Variants in FYTTD1 observed in about 807,000 individuals in gnomAD.
FYTTD1 encodes the protein forty-two-three domain containing 1.
In FYTTD1, 22 loss-of-function variants were observed where a neutral mutation model predicts 40.9. The observed-to-expected ratio is 0.54, with a 90% CI of 0.38 to 0.77. The LOEUF is 0.77. Among genes scored for constraint, FYTTD1 ranks in the 30% least tolerant of loss-of-function variants. FYTTD1 has a pLI of 0.00. For synonymous variants in FYTTD1, 140 were observed against 137.9 expected, an observed-to-expected ratio of 1.01 and a Z score of -0.10; for missense variants, 351 against 392.2, an observed-to-expected ratio of 0.90 and a Z score of 0.89.
chr3:197,749,805 C>A, upstream of FYTTD1: 1 of 472,510 alleles, frequency 2.1e-6, no homozygotes, highest in South Asian at 3.2e-5. Flanking sequence ...TCTGGTCGCC[C>A]GCGAGTGTCG....
chr3:197,766,592 G>A (rs1195748020), intron 2 of FYTTD1, among the ~76,000 whole-genome samples: 2 of 151,764 alleles, frequency 1.3e-5, no homozygotes, highest in Admixed American at 6.6e-5. Context: ...ACAGGTACGC[G>A]CCACTGCACC....
intron 2 of FYTTD1, chr3:197,763,413 T>TAAA: frequency 3.2e-6 from 1 of 311,608 alleles, no homozygotes; most frequent in Non-Finnish European, 6.0e-6. Flanking sequence ...GACTCTTGTC[T>TAAA]CAAAAAAAAA....
At chr3:197,749,823 C>G (rs1728933501), upstream of FYTTD1, 8 of 487,290 alleles carry the variant, frequency 1.6e-5, no homozygotes, top group South Asian at 2.9e-4. Context: ...TCGGTGGCCC[C>G]GCCCCGCCCG....
Position 197,756,523 on chromosome 3 carries a change from G to C in FYTTD1, c.201G>C (p.Arg67Ser), listed in dbSNP as rs1729220316. ...LLQQSGAQQF[R>S]MRVRWGIQQN... ...AGCAAAGTGGTGCCCAGCAATTCAGGATGAGAGTGCGATGGGGAATCCAAC... is the reference window on the plus strand; with the variant it reads ...AGCAAAGTGGTGCCCAGCAATTCAGCATGAGAGTGCGATGGGGAATCCAAC... The change falls in exon 2 of 9, where the codon AGG becomes AGC. Residue 67 changes from arginine to serine, a missense_variant. Arg to Ser is a moderately radical substitution (Grantham distance 110). Coordinates refer to ENST00000241502, the MANE Select transcript of FYTTD1 (RefSeq NM_032288.7). 6 of 1,613,842 alleles carry C rather than the reference G, an allele frequency of 3.7e-6. No individual in the cohort carries two copies. The highest frequency in any genetic ancestry group is 5.1e-6 in the Non-Finnish European group (6 of 1,179,720).
intron 1 of FYTTD1, among the ~76,000 whole-genome samples, chr3:197,753,961 C>T (rs1177128230): frequency 3.9e-5 from 6 of 152,012 alleles, no homozygotes; most frequent in African/African-American, 7.3e-5. Context: ...AGGATGGTCT[C>T]GATCTCCTGA....
At chr3:197,778,982 AGTCTGT>A (rs1459205103) in intron 8 of FYTTD1, among the ~76,000 whole-genome samples, 31 of 152,130 alleles carry the variant, frequency 2.0e-4, no homozygotes, top group Admixed American at 1.8e-3. Flanking sequence ...TTCCTAGAAG[AGTCTGT>A]GCTACAGCTT....
intron 2 of FYTTD1, among the ~76,000 whole-genome samples, chr3:197,758,210 C>T (rs1309678603): frequency 6.6e-6 from 1 of 152,224 alleles, no homozygotes; most frequent in Non-Finnish European, 1.5e-5. Flanking sequence ...GCCACTGCGC[C>T]TGGCCTAAAT....
rs984283468 is a variant in FYTTD1, at chr3:197,784,877, C to T, written c.*2968C>T. On this transcript the variant is annotated 3_prime_UTR_variant, in exon 9 of 9. Coordinates refer to ENST00000241502, the MANE Select transcript of FYTTD1 (RefSeq NM_032288.7). ...CTTTAGAGACTAATCCAGTTTAACC[C>T]CTCCTTTTTACACCTTAGTAAAGTG... 2.6e-5 allele frequency: 4 copies of T among 152,036 alleles called. No individual in the cohort carries two copies. The highest frequency in any genetic ancestry group is 7.2e-5 in the African/African-American group (3 of 41,392). The allele number at this position is 152,036 out of a possible 1,614,324, so 9.4% of individuals were successfully genotyped here. A position where few individuals can be genotyped will look rare whatever the true frequency, so the allele number is the denominator to read the frequency against.
intron 4 of FYTTD1, 65 bp downstream of exon 4, chr3:197,770,309 G>A: frequency 2.0e-6 from 2 of 1,002,622 alleles, no homozygotes; most frequent in Non-Finnish European, 3.0e-6. Context: ...TAAGTGGTGT[G>A]AAGAATGGAT....
At chr3:197,756,749 C>T (rs905594487) in intron 2 of FYTTD1, among the ~76,000 whole-genome samples, 192 bp downstream of exon 2, 5 of 152,212 alleles carry the variant, frequency 3.3e-5, no homozygotes, top group Non-Finnish European at 1.5e-5. Context: ...GTAACACTGT[C>T]TCTTAAACGT....
chr3:197,787,240 ATCTGGGATTACAGG>A lies in FYTTD1; in HGVS notation c.*5332_*5345del, dbSNP rs1183056159. The A allele has an allele frequency of 6.7e-6, 1 of 148,826 alleles. No homozygotes were observed. The highest frequency in any genetic ancestry group is 2.0e-4 in the East Asian group (1 of 5,036). 9.2% of individuals were successfully genotyped at this position (148,826 alleles called of 1,614,324 possible). A position where few individuals can be genotyped will look rare whatever the true frequency, so the allele number is the denominator to read the frequency against. On this transcript the variant is annotated 3_prime_UTR_variant, in exon 9 of 9. Transcript: ENST00000241502. ...ATTTTCCTGTCTCAACCTTCCAAGT[ATCTGGGATTACAGG>A]CACGTGCCACTACACCCAGCTAATT...
At chr3:197,760,309 G>GAAT (rs1729342177) in intron 2 of FYTTD1, among the ~76,000 whole-genome samples, 3 of 151,762 alleles carry the variant, frequency 2.0e-5, no homozygotes, top group African/African-American at 7.3e-5. Flanking sequence ...AATGTATGGA[G>GAAT]TGTTCTTCAG....
chr3:197,757,751 A>G (rs1372768622), intron 2 of FYTTD1, among the ~76,000 whole-genome samples: 1 of 152,218 alleles, frequency 6.6e-6, no homozygotes, highest in Admixed American at 6.5e-5. Flanking sequence ...CTCCAGCATG[A>G]GACTCTGTCT....
chr3:197,781,416 A>T (rs536439687), intron 8 of FYTTD1, among the ~76,000 whole-genome samples: 1,732 of 135,870 alleles, frequency 0.013, 21 homozygotes, highest in Non-Finnish European at 0.019. Context: ...TGTTGTTAAT[A>T]AAAAAAAAAA....
At chr3:197,777,291 CTG>C (rs1195625021) in intron 7 of FYTTD1, among the ~76,000 whole-genome samples, 2 of 152,154 alleles carry the variant, frequency 1.3e-5, no homozygotes, top group African/African-American at 4.8e-5. Flanking sequence ...AGGTCTGGCT[CTG>C]TTACCCAGGC....
chr3:197,773,565 A>G, intron 5 of FYTTD1, 66 bp downstream of exon 5: 1 of 895,702 alleles, frequency 1.1e-6, no homozygotes, highest in Non-Finnish European at 1.8e-6. Flanking sequence ...GATCCTGAGC[A>G]GCCACCTTTA....
intron 4 of FYTTD1, among the ~76,000 whole-genome samples, chr3:197,772,754 G>A (rs1011042214): frequency 1.3e-5 from 2 of 152,138 alleles, no homozygotes; most frequent in Admixed American, 6.5e-5. Flanking sequence ...GACTACAGGC[G>A]TGTGCCACCA....
intron 3 of FYTTD1, among the ~76,000 whole-genome samples, chr3:197,768,913 C>G (rs1460926266): frequency 6.6e-6 from 1 of 151,738 alleles, no homozygotes; most frequent in African/African-American, 2.4e-5. Context: ...CTGCCTCAGC[C>G]TCCCGAGTAG....
intron 4 of FYTTD1, among the ~76,000 whole-genome samples, chr3:197,770,695 A>G (rs1729691590): frequency 1.3e-5 from 2 of 150,388 alleles, no homozygotes; most frequent in South Asian, 4.2e-4. Flanking sequence ...CTGCAGATAC[A>G]TGCCACCATG....
Sources: gnomAD v4.1 joint callset for allele counts (sites outside exome capture counted in the v4.1 genomes callset) on GRCh38, gnomAD v4.1.1 for gene constraint, MANE v1.5 for transcripts, NCBI Gene and HGNC (gene_info 2026-07-23, HGNC 2026-07-21) for gene names.